Variants in CCDC3 observed in about 807,000 individuals in gnomAD.
CCDC3 encodes coiled-coil domain-containing protein 3.
CCDC3 carries 24 observed loss-of-function variants against 21.4 expected under a neutral mutation model. The ratio of observed to expected loss-of-function variants is 1.12; its 90% CI spans 0.81 to 1.58. The LOEUF is 1.58. Ranked by LOEUF, CCDC3 falls within the 40% of genes most tolerant of loss-of-function variation. CCDC3 has a pLI of 0.00. For missense variants in CCDC3, 425 were observed against 360.9 expected (o/e 1.18, Z -1.44); for synonymous variants, 186 against 166.0 (o/e 1.12, Z -0.93).
At chr10:13,079,128 T>C (rs553488466) in intron 3 of CCDC3, among the ~76,000 whole-genome samples, 1 of 152,376 alleles carries the variant, frequency 6.6e-6, no homozygotes, top group East Asian at 1.9e-4. Context: ...AAACTTTTTG[T>C]CTAAATGCTG....
Position 12,943,782 on chromosome 10 carries a change from G to A in CCDC3, c.550-45103C>T, listed in dbSNP as rs191696849. On this transcript the variant is annotated intron_variant, in intron 2 of 2. Transcript: ENST00000378825. ...CTGTGCATTTCGCCACAGATGAGACGACCCACTTGGAAGACCCTCTCTCTC... is the reference window on the plus strand; with the variant it reads ...CTGTGCATTTCGCCACAGATGAGACAACCCACTTGGAAGACCCTCTCTCTC... Among the ~76,000 whole-genome samples the A allele has an allele frequency of 2.3e-3, 354 of 152,136 alleles. 4 individuals carry two copies. The highest frequency in any genetic ancestry group is 8.3e-3 in the African/African-American group (343 of 41,502).
intron 2 of CCDC3, among the ~76,000 whole-genome samples, chr10:12,960,913 T>C (rs1589022551): frequency 6.6e-6 from 1 of 152,130 alleles, no homozygotes; most frequent in African/African-American, 2.4e-5. Context: ...AGGGATGTTG[T>C]GGTGACCCTC....
rs559399589 is a variant in CCDC3, at chr10:13,007,016, G to A, written c.-1-8504C>T. Among the ~76,000 whole-genome samples, 17 of 152,188 alleles carry A rather than the reference G, an allele frequency of 1.1e-4. 1 individual carries two copies. In the East Asian group the frequency reaches 1.4e-3, roughly 12 times the overall value. ...CTAGTATGCCCCTCCCGACCTTTACGGTAGAGGTACTTACCTTCCCTTTGG... is the reference window on the plus strand; with the variant it reads ...CTAGTATGCCCCTCCCGACCTTTACAGTAGAGGTACTTACCTTCCCTTTGG... On this transcript the variant is annotated intron_variant, in intron 5 of 6. Coordinates refer to the CCDC3 transcript ENST00000378839.
At chr10:12,918,354 C>T (rs75181900) in intron 2 of CCDC3, among the ~76,000 whole-genome samples, 3,009 of 152,282 alleles carry the variant, frequency 0.02, 99 homozygotes, top group African/African-American at 0.068. Context: ...GAAACCTTTG[C>T]AGTTCCATAC....
intron 3 of CCDC3, among the ~76,000 whole-genome samples, chr10:13,093,077 C>A (rs1832594476): frequency 6.8e-6 from 1 of 146,710 alleles, no homozygotes; most frequent in African/African-American, 2.5e-5. Flanking sequence ...ACTTTTCAAA[C>A]CGCAAAATCA....
chr10:13,002,290 A>G (rs1031532538), upstream of CCDC3, among the ~76,000 whole-genome samples: 7 of 152,242 alleles, frequency 4.6e-5, no homozygotes, highest in East Asian at 1.9e-4. Context: ...TACATTCAGA[A>G]GTAAATCCCA....
intron 3 of CCDC3, among the ~76,000 whole-genome samples, chr10:13,080,562 A>G (rs1406791382): frequency 1.3e-5 from 2 of 152,264 alleles, no homozygotes; most frequent in Non-Finnish European, 2.9e-5. Context: ...AAAAGGTTAA[A>G]AAAAGGTGCT....
At chr10:12,998,147 C>A (rs567843194) in intron 2 of CCDC3, among the ~76,000 whole-genome samples, 191 bp downstream of exon 2, 18 of 152,206 alleles carry the variant, frequency 1.2e-4, no homozygotes, top group Middle Eastern at 3.4e-3. Context: ...TTCAGGGATC[C>A]AAAGTTTATG....
intron 1 of CCDC3, among the ~76,000 whole-genome samples, chr10:12,999,712 C>A (rs1032393735): frequency 6.6e-6 from 1 of 152,212 alleles, no homozygotes; most frequent in African/African-American, 2.4e-5. Context: ...AACTATTGGA[C>A]AAACTGTATT....
chr10:12,988,357 T>A (rs908209810), intron 2 of CCDC3, among the ~76,000 whole-genome samples: 1 of 152,178 alleles, frequency 6.6e-6, no homozygotes, highest in Non-Finnish European at 1.5e-5. Context: ...TATTACCTTT[T>A]TTTTTTGAGA....
Position 13,035,972 on chromosome 10 carries a change from C to T in CCDC3, c.-2+13702G>A, listed in dbSNP as rs144030654. ...CATCCCGGCTAACATGGTGAAACCC[C>T]GTCTGTACTAAAATACAAAAAATTA... On this transcript the variant is annotated intron_variant, in intron 5 of 6. Transcript: ENST00000378839. Among the ~76,000 whole-genome samples, 222 of 152,152 alleles carry T rather than the reference C, an allele frequency of 1.5e-3. No individual in the cohort carries two copies. In the Middle Eastern group the frequency reaches 0.034, roughly 23 times the overall value.
At chr10:13,009,619 T>C (rs1371967623) in intron 5 of CCDC3, among the ~76,000 whole-genome samples, 4 of 152,166 alleles carry the variant, frequency 2.6e-5, no homozygotes, top group African/African-American at 9.7e-5. Context: ...CCCATAAATA[T>C]ATAGATAACT....
intron 2 of CCDC3, among the ~76,000 whole-genome samples, chr10:12,937,260 G>A (rs1204090600): frequency 6.6e-6 from 1 of 152,106 alleles, no homozygotes; most frequent in Non-Finnish European, 1.5e-5. Context: ...TGATCTAAGA[G>A]GAGCTTGTGA....
At chr10:12,941,874 C>T (rs1279621319) in intron 2 of CCDC3, among the ~76,000 whole-genome samples, 1 of 152,192 alleles carries the variant, frequency 6.6e-6, no homozygotes, top group Admixed American at 6.5e-5. Context: ...AGAGTGCCTT[C>T]CTCTCTGCAC....
chr10:13,075,565 T>C (rs1836953722), intron 3 of CCDC3, among the ~76,000 whole-genome samples: 1 of 151,926 alleles, frequency 6.6e-6, no homozygotes, highest in Non-Finnish European at 1.5e-5. Flanking sequence ...GAAGAAACAC[T>C]AATAAATAAA....
chr10:12,992,098 C>T (rs2131280966), intron 2 of CCDC3, among the ~76,000 whole-genome samples: 1 of 151,688 alleles, frequency 6.6e-6, no homozygotes, highest in East Asian at 1.9e-4. Context: ...AAAACAAAAA[C>T]TCCATTGAGG....
intron 2 of CCDC3, among the ~76,000 whole-genome samples, chr10:12,976,973 C>T (rs1835426364): frequency 6.6e-6 from 1 of 152,162 alleles, no homozygotes; most frequent in South Asian, 2.1e-4. Context: ...TGGTGTCCCC[C>T]ACTCGAAAGT....
Position 13,074,515 on chromosome 10 carries a change from T to C in CCDC3, c.-502-415A>G, listed in dbSNP as rs749163866. 6.8e-4 allele frequency among the ~76,000 whole-genome samples: 103 copies of C among 151,758 alleles called. 1 individual carries two copies. The highest frequency in any genetic ancestry group is 2.0e-3 in the Admixed American group (31 of 15,234). ...CAAATCTTTTCTTCTGGAGTTCTTTTAATGCTTTTAATCCAAGGTCCCAGC... is the reference window on the plus strand; with the variant it reads ...CAAATCTTTTCTTCTGGAGTTCTTTCAATGCTTTTAATCCAAGGTCCCAGC... On this transcript the variant is annotated intron_variant, in intron 3 of 6. Coordinates refer to the CCDC3 transcript ENST00000378839.
In CCDC3 at chr10:12,917,171, T is replaced by TTTC. The variant is rs1231450137; in HGVS notation, c.550-18495_550-18493dup. 5.6e-4 allele frequency among the ~76,000 whole-genome samples: 71 copies of TTTC among 127,490 alleles called. 2 individuals are homozygous for TTTC. The highest frequency in any genetic ancestry group is 1.3e-3 in the African/African-American group (43 of 33,212). 83.6% of individuals were successfully genotyped at this position (127,490 alleles called of 152,430 possible). On this transcript the variant is annotated intron_variant, in intron 2 of 2. Transcript: ENST00000378825. ...GGAGGTGATGTTGGAAATGTCCTTA[T>TTTC]TTCTTCTTCTTTTTTTTTTTTTTTT...
Sources: allele counts gnomAD v4.1 joint callset (sites outside exome capture counted in the v4.1 genomes callset), GRCh38; gene constraint gnomAD v4.1.1; transcripts MANE v1.5; gene names NCBI Gene and HGNC (gene_info 2026-07-23, HGNC 2026-07-21).